PTDSS2: variants seen among roughly 807,000 people sequenced by gnomAD.
The protein encoded by PTDSS2 is phosphatidylserine synthase 2, also known as PSS-2.
PTDSS2 carries 41 observed loss-of-function variants against 64.7 expected under a neutral mutation model. The ratio of observed to expected loss-of-function variants is 0.63; its 90% CI spans 0.49 to 0.82. PTDSS2 has a LOEUF of 0.82. Among genes scored for constraint, PTDSS2 ranks in the 40% least tolerant of loss-of-function variants. PTDSS2 has a pLI of 0.00. For missense variants in PTDSS2, 485 were observed against 650.0 expected (o/e 0.75, Z 2.76); for synonymous variants, 297 against 277.8 (o/e 1.07, Z -0.69).
chr11:454,458 A>G (rs969510376), intron 1 of PTDSS2, among the ~76,000 whole-genome samples: 1 of 152,182 alleles, frequency 6.6e-6, no homozygotes, highest in Non-Finnish European at 1.5e-5. Context: ...GGGCTACACA[A>G]GGAGTGAGTG....
intron 10 of PTDSS2, 29 bp downstream of exon 10, chr11:489,762 C>T: frequency 6.3e-7 from 1 of 1,599,464 alleles, no homozygotes; most frequent in Non-Finnish European, 8.5e-7. Context: ...CGGGTGGAGA[C>T]ACCCCCGGGG....
At chr11:455,843 G>C (rs1257158629) in intron 1 of PTDSS2, among the ~76,000 whole-genome samples, 2 of 151,964 alleles carry the variant, frequency 1.3e-5, no homozygotes, top group African/African-American at 4.8e-5. Context: ...CTCCTGTATT[G>C]GTCTCACTCC....
At chr11:489,256 C>T (rs1848551141) in intron 8 of PTDSS2, 144 bp from the exon 9 acceptor site, 2 of 667,822 alleles carry the variant, frequency 3.0e-6, no homozygotes, top group Non-Finnish European at 5.1e-6. Flanking sequence ...CCCGATGGCA[C>T]AGGGCGGGGC....
chr11:450,847 C>T (rs1235449178), intron 1 of PTDSS2, among the ~76,000 whole-genome samples: 1 of 152,112 alleles, frequency 6.6e-6, no homozygotes, highest in Non-Finnish European at 1.5e-5. Context: ...GAGGGCGGCG[C>T]TGTAGGTGGG....
chr11:484,884 AAAC>A (rs1276033029), intron 4 of PTDSS2, among the ~76,000 whole-genome samples: 5 of 140,360 alleles, frequency 3.6e-5, no homozygotes, highest in Non-Finnish European at 7.6e-5. Context: ...AGGCGTCTGT[AAAC>A]AGTGCACGGG....
chr11:480,940 C>T (rs914458342), intron 4 of PTDSS2, among the ~76,000 whole-genome samples: 10 of 151,914 alleles, frequency 6.6e-5, no homozygotes, highest in Admixed American at 2.6e-4. Context: ...AAAAATTAGC[C>T]GGGCGTGGTC....
At chr11:473,093 G>A (rs1415226241) in intron 2 of PTDSS2, among the ~76,000 whole-genome samples, 2 of 152,242 alleles carry the variant, frequency 1.3e-5, no homozygotes, top group East Asian at 1.9e-4. Flanking sequence ...TGTGACCAGG[G>A]CTGTCTGCAC....
At chr11:474,980 G>A (rs77895914) in intron 3 of PTDSS2, among the ~76,000 whole-genome samples, 10 of 111,356 alleles carry the variant, frequency 9.0e-5, no homozygotes, top group Admixed American at 1.8e-4. Context: ...ATGTTCACGC[G>A]TTTGTGATAC....
intron 3 of PTDSS2, among the ~76,000 whole-genome samples, chr11:475,161 G>T (rs75856135): frequency 1.1e-5 from 1 of 92,776 alleles, no homozygotes; most frequent in African/African-American, 4.3e-5. Flanking sequence ...ACATATTCAC[G>T]CGTTTGTGAT....
In PTDSS2 at chr11:467,737, AATATAG is replaced by A. The variant is rs575918711; in HGVS notation, c.285-6142_285-6137del. ...AACAGTGCGAGACTCTGTCTCAAAAAATATAGATATAGATATAGATAGATAGATAGA... is the reference window on the plus strand; with the variant it reads ...AACAGTGCGAGACTCTGTCTCAAAAAATATAGATATAGATAGATAGATAGA... On this transcript the variant is annotated intron_variant, in intron 2 of 11. Coordinates refer to ENST00000308020, the MANE Select transcript of PTDSS2 (RefSeq NM_030783.3). Among the ~76,000 whole-genome samples the A allele has an allele frequency of 1.9e-3, 282 of 152,316 alleles. 1 individual carries two copies. The highest frequency in any genetic ancestry group is 6.0e-3 in the African/African-American group (250 of 41,556).
chr11:482,370 A>G (rs1164573070), intron 4 of PTDSS2, among the ~76,000 whole-genome samples: 1 of 152,104 alleles, frequency 6.6e-6, no homozygotes, highest in African/African-American at 2.4e-5. Context: ...TTACAGGAAC[A>G]TGCTACCACA....
At chr11:465,759 C>CCG (rs992216659) in intron 2 of PTDSS2, among the ~76,000 whole-genome samples, 1 of 150,828 alleles carries the variant, frequency 6.6e-6, no homozygotes, top group African/African-American at 2.4e-5. Context: ...GACCACCCCC[C>CCG]CCCCATCTCT....
chr11:459,354 A>T (rs7945922), intron 1 of PTDSS2: 1 of 125,524 alleles, frequency 8.0e-6, no homozygotes, highest in Non-Finnish European at 1.6e-5. Context: ...CGGTGGATGT[A>T]GGACCTGGGT....
intron 7 of PTDSS2, 59 bp from the exon 8 acceptor site, chr11:488,470 C>T: frequency 6.8e-7 from 1 of 1,467,642 alleles, no homozygotes; most frequent in Non-Finnish European, 9.5e-7. Flanking sequence ...CTTCCGGGGT[C>T]CTCCTCGGGG....
In PTDSS2 at chr11:460,184, C is replaced by T. The variant is rs1042709931; in HGVS notation, c.183-3C>T. 1 of 1,613,776 alleles carries T rather than the reference C, an allele frequency of 6.2e-7. No individual in the cohort carries two copies. The highest frequency in any genetic ancestry group is 1.3e-5 in the African/African-American group (1 of 75,024). On this transcript the variant is annotated splice_region_variant and splice_polypyrimidine_tract_variant and intron_variant, in intron 1 of 11. Transcript: ENST00000308020. This position sits in a 1 kb window ranked among gnomAD's most constrained non-coding sequence, Gnocchi z 5.8. ...ACCATGCTTATGCGTTTTTGGATTT[C>T]AGGCGAGCCCACACCTTAACCGTGC... is the stretch of plus-strand genomic sequence containing the variant.
Position 460,101 on chromosome 11 carries a change from G to A in PTDSS2, c.183-86G>A, listed in dbSNP as rs148326945. 7.8e-3 allele frequency: 8,118 copies of A among 1,039,014 alleles called. 56 individuals carry two copies. Among genetic ancestry groups the A allele is most frequent in the Admixed American group, 0.012 (603 of 52,226 alleles). The allele number at this position is 1,039,014 out of a possible 1,614,324, so 64.4% of individuals were successfully genotyped here. On this transcript the variant is annotated intron_variant, in intron 1 of 11. Transcript: ENST00000308020. The surrounding 1 kb of genome is among the most constrained non-coding windows in gnomAD (Gnocchi z 5.8). ...GTGGAGTTTAAGCCCTCTCCTTGAC[G>A]TAGAGAGGATTTGGGGCCTGTTACG...
At chr11:450,223 C>T (rs1846250517), upstream of PTDSS2, 5 of 366,298 alleles carry the variant, frequency 1.4e-5, no homozygotes, top group Non-Finnish European at 2.4e-5. Context: ...GCACTGCGTC[C>T]AACCCGCGAC....
chr11:452,738 G>A (rs73385821), intron 1 of PTDSS2, among the ~76,000 whole-genome samples: 1 of 152,052 alleles, frequency 6.6e-6, no homozygotes, highest in Admixed American at 6.6e-5. Flanking sequence ...CACGCTTCTG[G>A]GTGGCAGGTA....
At position 490,553 on chromosome 11, in the gene PTDSS2, G is replaced by A. The variant is rs551825800; in HGVS notation, c.1435G>A (p.Glu479Lys). The A allele has an allele frequency of 1.9e-5, 30 of 1,605,874 alleles. No homozygotes were observed. The highest frequency in any genetic ancestry group is 1.2e-4 in the South Asian group (11 of 90,158). ...AGACCTGCTGGGGCCTGGGGTGGCC[G>A]AGGGCGAGGGAGCACCAACTCCAAA... ...DEDLLGPGVA[E>K]GEGAPTPN The change falls in exon 12 of 12, where the codon GAG becomes AAG. Residue 479 changes from glutamate (E) to lysine (K), a missense_variant. Coordinates refer to ENST00000308020, the MANE Select transcript of PTDSS2 (RefSeq NM_030783.3).
Sources: allele counts gnomAD v4.1 joint callset (sites outside exome capture counted in the v4.1 genomes callset), GRCh38; gene constraint gnomAD v4.1.1; non-coding constraint Gnocchi (gnomAD v3.1); transcripts MANE v1.5; gene names NCBI Gene and HGNC (gene_info 2026-07-23, HGNC 2026-07-21).